The following EPB41L4A variants were observed in gnomAD, a reference collection of about 807,000 sequenced individuals.
EPB41L4A encodes the protein band 4.1-like protein 4A.
Under a neutral mutation model 108.6 loss-of-function variants are expected in EPB41L4A, and 100 were observed. The observed-to-expected ratio is 0.92, with a 90% CI of 0.78 to 1.09. The LOEUF (loss-of-function observed/expected upper bound fraction) is 1.09. Among genes scored for constraint, EPB41L4A ranks in the 50% least tolerant of loss-of-function variants. EPB41L4A has a pLI of 0.00. For synonymous variants in EPB41L4A, 319 were observed against 289.0 expected (o/e 1.10, Z -1.05); for missense variants, 1,030 against 842.7 (o/e 1.22, Z -2.75).
At chr5:112,147,285 T>G (rs1759294701) in intron 12 of EPB41L4A, among the ~76,000 whole-genome samples, 3 of 152,236 alleles carry the variant, frequency 2.0e-5, no homozygotes, top group Admixed American at 1.3e-4. Flanking sequence ...GTTATCAAAT[T>G]AAGACAAACC....
chr5:112,301,692 C>A (rs1754372512), intron 2 of EPB41L4A, among the ~76,000 whole-genome samples: 1 of 152,280 alleles, frequency 6.6e-6, no homozygotes, highest in Middle Eastern at 3.4e-3. Flanking sequence ...CGAGTGGGAA[C>A]TGCAATCTAG....
At chr5:112,358,056 T>C in intron 1 of EPB41L4A, among the ~76,000 whole-genome samples, 1 of 152,234 alleles carries the variant, frequency 6.6e-6, no homozygotes, top group East Asian at 1.9e-4. Context: ...CTTCTTCTCA[T>C]GAACGCTGAC....
Position 112,183,931 on chromosome 5 carries a change from C to T in EPB41L4A, c.1622+85G>A, listed in dbSNP as rs192616992. ...AAACAATGAAATAATCCTAGTTGAA[C>T]TAAAACACTTTAGAAGACCTGAATA... On this transcript the variant is annotated intron_variant, in intron 18 of 22. Transcript: ENST00000261486. 2.2e-3 allele frequency: 3,333 copies of T among 1,511,582 alleles called. 10 individuals are homozygous for T. The highest frequency in any genetic ancestry group is 2.9e-3 in the Non-Finnish European group (3,158 of 1,106,724). 93.6% of individuals were successfully genotyped at this position (1,511,582 alleles called of 1,614,324 possible).
intron 1 of EPB41L4A, among the ~76,000 whole-genome samples, chr5:112,330,218 C>T (rs891930196): frequency 1.3e-5 from 2 of 151,814 alleles, no homozygotes; most frequent in East Asian, 1.9e-4. Context: ...TAGAGAGTGA[C>T]ATGGATTTCA....
intron 1 of EPB41L4A, among the ~76,000 whole-genome samples, chr5:112,391,313 G>T (rs537474669): frequency 6.6e-6 from 1 of 152,152 alleles, no homozygotes; most frequent in Admixed American, 6.5e-5. Context: ...CCCATCGCAA[G>T]GAAGCTAAAA....
At chr5:112,340,895 C>T (rs980757999) in intron 1 of EPB41L4A, among the ~76,000 whole-genome samples, 1 of 152,170 alleles carries the variant, frequency 6.6e-6, no homozygotes. Flanking sequence ...TACATATACC[C>T]TTCGACCTTT....
At chr5:112,210,256 A>G (rs529960409) in intron 12 of EPB41L4A, 1 of 261,230 alleles carries the variant, frequency 3.8e-6, no homozygotes, top group East Asian at 9.2e-5. Flanking sequence ...TGTTAAAATA[A>G]CATTCACTTT....
intron 4 of EPB41L4A, among the ~76,000 whole-genome samples, chr5:112,268,348 A>G (rs1216620818): frequency 6.6e-6 from 1 of 152,206 alleles, no homozygotes; most frequent in East Asian, 1.9e-4. Context: ...ACTGCACCCC[A>G]GCCTGGGTGA....
chr5:112,352,231 T>C (rs956203130), intron 1 of EPB41L4A, among the ~76,000 whole-genome samples: 1 of 152,228 alleles, frequency 6.6e-6, no homozygotes, highest in East Asian at 1.9e-4. Flanking sequence ...ATATGAAATA[T>C]TTCTACTTTT....
intron 4 of EPB41L4A, among the ~76,000 whole-genome samples, chr5:112,272,136 G>GTTT (rs762038991): frequency 0.024 from 605 of 25,060 alleles, 6 homozygotes; most frequent in African/African-American, 0.066. Flanking sequence ...AGCATTATTT[G>GTTT]TATTTTTTTT....
chr5:112,379,024 T>C (rs1194723082), intron 1 of EPB41L4A, among the ~76,000 whole-genome samples: 5 of 152,168 alleles, frequency 3.3e-5, no homozygotes, highest in African/African-American at 1.2e-4. Context: ...GGTGTACAGA[T>C]GTGCACATAC....
chr5:112,204,323 G>A (rs1053931959), intron 15 of EPB41L4A, 52 bp downstream of exon 15: 29 of 1,258,686 alleles, frequency 2.3e-5, no homozygotes, highest in Non-Finnish European at 3.3e-5. Context: ...TCAGGCCTGG[G>A]ACAAAATGCT....
intron 22 of EPB41L4A, among the ~76,000 whole-genome samples, chr5:112,167,132 A>AAC (rs1760297662): frequency 1.3e-5 from 2 of 151,812 alleles, no homozygotes; most frequent in African/African-American, 4.8e-5. Flanking sequence ...ACAAAAAAAA[A>AAC]AAAAAAAACA....
intron 12 of EPB41L4A, among the ~76,000 whole-genome samples, chr5:112,232,285 G>C (rs903864595): frequency 3.9e-5 from 6 of 152,090 alleles, no homozygotes; most frequent in African/African-American, 1.4e-4. Context: ...CATGTAACTT[G>C]TTGCATATGA....
chr5:112,278,254 ATT>A (rs199773939), intron 3 of EPB41L4A, among the ~76,000 whole-genome samples: 3 of 147,456 alleles, frequency 2.0e-5, no homozygotes, highest in East Asian at 2.0e-4. Flanking sequence ...CTATACATCA[ATT>A]TTTTTTTTTT....
intron 12 of EPB41L4A, among the ~76,000 whole-genome samples, chr5:112,230,896 C>T (rs996533448): frequency 2.6e-5 from 4 of 152,116 alleles, no homozygotes; most frequent in Non-Finnish European, 4.4e-5. Context: ...GCACTCCGGC[C>T]TGGGTGGCAC....
chr5:112,289,431 G>C (rs986434379), intron 2 of EPB41L4A, among the ~76,000 whole-genome samples: 1 of 152,168 alleles, frequency 6.6e-6, no homozygotes, highest in Non-Finnish European at 1.5e-5. Context: ...GTGCAAACTT[G>C]AGGGAATTTG....
rs1486649902 is a variant in EPB41L4A at position 112,392,380 on chromosome 5, A to G, written c.99+26561T>C. Among the ~76,000 whole-genome samples, 4 of 134,610 alleles carry G rather than the reference A, an allele frequency of 3.0e-5. No individual in the cohort carries two copies. The Admixed American group carries it at 3.3e-4, about 11-fold the overall frequency. 88.3% of individuals were successfully genotyped at this position (134,610 alleles called of 152,430 possible). A position where few individuals can be genotyped will look rare whatever the true frequency, so the allele number is the denominator to read the frequency against. ...GCTCAAAATAAAGGGATGGAGGAAG[A>G]TCTACCAAGCAAATGGAAAGCAAAA... is the stretch of plus-strand genomic sequence containing the variant. On this transcript the variant is annotated intron_variant, in intron 1 of 22. Transcript: ENST00000261486.
chr5:112,343,557 G>T (rs949325035), intron 1 of EPB41L4A, among the ~76,000 whole-genome samples: 3 of 151,716 alleles, frequency 2.0e-5, no homozygotes, highest in African/African-American at 7.3e-5. Flanking sequence ...CCATCACCAC[G>T]ACCACGTTCA....
Sources: allele counts gnomAD v4.1 joint callset (sites outside exome capture counted in the v4.1 genomes callset), GRCh38; gene constraint gnomAD v4.1.1; transcripts MANE v1.5; gene names NCBI Gene and HGNC (gene_info 2026-07-23, HGNC 2026-07-21).